The following TRIM36 variants were observed in gnomAD, a reference collection of about 807,000 sequenced individuals.
TRIM36 encodes the protein E3 ubiquitin-protein ligase TRIM36.
TRIM36 carries 42 observed loss-of-function variants against 72.4 expected under a neutral mutation model. That is an observed-to-expected ratio of 0.58 (90% CI 0.45 to 0.75). The LOEUF is 0.75. Among genes scored for constraint, TRIM36 ranks in the 30% least tolerant of loss-of-function variants. TRIM36 has a pLI of 0.00. For synonymous variants in TRIM36, 315 were observed against 282.8 expected (o/e 1.11, Z -1.14); for missense variants, 913 against 857.1 (o/e 1.07, Z -0.81).
intron 2 of TRIM36, chr5:115,159,750 C>T (rs1754376694): frequency 4.7e-6 from 2 of 425,392 alleles, no homozygotes; most frequent in Admixed American, 2.9e-5. Context: ...AAAGAGAAAG[C>T]GGTAACTGTG....
intron 2 of TRIM36, among the ~76,000 whole-genome samples, chr5:115,150,868 T>C (rs1188101101): frequency 2.6e-5 from 4 of 152,176 alleles, no homozygotes; most frequent in Admixed American, 2.0e-4. Flanking sequence ...GAGGAAGCAG[T>C]GGGAAAACCC....
chr5:115,126,662 T>C lies in TRIM36; in HGVS notation c.1992A>G (p.Lys664=). The part of the protein sequence containing the change: ...IGIFLDCDKG[K]VDFYDMDQMK... ...TCTGATCCATATCATAGAAATCTAC[T>C]TTGCCTTTATCACAGTCAAGGAAAA... Residue 664 remains lysine (K), a synonymous_variant, in exon 10 of 10, where the codon AAA becomes AAG. Coordinates refer to ENST00000513154, the MANE Select transcript of TRIM36 (RefSeq NM_001300759.2). The C allele has an allele frequency of 6.2e-7, 1 of 1,614,210 alleles. No individual in the cohort carries two copies. The highest frequency in any genetic ancestry group is 8.5e-7 in the Non-Finnish European group (1 of 1,180,024).
intron 3 of TRIM36, among the ~76,000 whole-genome samples, chr5:115,146,609 C>G (rs1753606332): frequency 6.6e-6 from 1 of 152,160 alleles, no homozygotes; most frequent in African/African-American, 2.4e-5. Context: ...CATTATATCA[C>G]AAACTACAAA....
chr5:115,133,989 A>T lies in TRIM36; in HGVS notation c.1369T>A (p.Cys457Ser). ...TCTTGAATTATTTTACTTGTTCCAC[A>T]CACTTCTATCTCATTCCATGACATT... is the stretch of plus-strand genomic sequence containing the variant. ...DEMSWNEIEVCGTSKIIQDLE... is the reference protein window; with the variant it reads ...DEMSWNEIEVSGTSKIIQDLE... The change falls in exon 8 of 10, where the codon TGT (cysteine) becomes AGT (serine). Residue 457 changes from cysteine (C) to serine (S), a missense_variant. Cys to Ser is a moderately radical substitution (Grantham distance 112). Coordinates refer to ENST00000513154, the MANE Select transcript of TRIM36 (RefSeq NM_001300759.2). The T allele has an allele frequency of 6.2e-7, 1 of 1,613,928 alleles. No individual in the cohort carries two copies. Among genetic ancestry groups the T allele is most frequent in the Non-Finnish European group, 8.5e-7 (1 of 1,179,940 alleles).
chr5:115,165,564 C>T (rs371553028), intron 1 of TRIM36, among the ~76,000 whole-genome samples: 1 of 152,202 alleles, frequency 6.6e-6, no homozygotes, highest in Non-Finnish European at 1.5e-5. Flanking sequence ...GGACACAGGG[C>T]ACCAAGTCCC....
intron 2 of TRIM36, among the ~76,000 whole-genome samples, chr5:115,162,013 CGT>C (rs898578817): frequency 2.6e-5 from 4 of 152,038 alleles, no homozygotes; most frequent in African/African-American, 7.3e-5. Flanking sequence ...TGTGTGTGCG[CGT>C]GTGTCTTCTT....
intron 2 of TRIM36, among the ~76,000 whole-genome samples, chr5:115,152,132 T>C (rs1753925901): frequency 6.6e-6 from 1 of 151,264 alleles, no homozygotes; most frequent in Non-Finnish European, 1.5e-5. Context: ...ATACAAGAAG[T>C]GAAGGAAGAA....
intron 2 of TRIM36, among the ~76,000 whole-genome samples, chr5:115,160,568 T>A (rs1754430580): frequency 6.6e-6 from 1 of 152,140 alleles, no homozygotes; most frequent in Non-Finnish European, 1.5e-5. Flanking sequence ...CTGGGTATAG[T>A]GAATAACGCC....
chr5:115,176,159 T>C (rs888435560), intron 1 of TRIM36, among the ~76,000 whole-genome samples: 7 of 152,262 alleles, frequency 4.6e-5, no homozygotes, highest in Admixed American at 3.3e-4. Flanking sequence ...AAAATACTTA[T>C]GCAGTGGGCA....
chr5:115,127,487 G>A (rs13357964), intron 9 of TRIM36, among the ~76,000 whole-genome samples: 4,160 of 152,278 alleles, frequency 0.027, 183 homozygotes, highest in African/African-American at 0.094. Flanking sequence ...CTTGAACCCA[G>A]GAAGCAGAAG....
chr5:115,131,313 T>C (rs543424737), intron 8 of TRIM36, among the ~76,000 whole-genome samples: 1 of 152,178 alleles, frequency 6.6e-6, no homozygotes, highest in Non-Finnish European at 1.5e-5. Flanking sequence ...TTTTAGCTAT[T>C]TTAATAAAGC....
intron 2 of TRIM36, chr5:115,149,557 C>T (rs2112852934): frequency 9.3e-6 from 1 of 107,892 alleles, no homozygotes; most frequent in South Asian, 3.1e-4. Flanking sequence ...AGAATTGGGT[C>T]CTCAGAAATT....
chr5:115,141,297 C>T lies in TRIM36; in HGVS notation c.813G>A (p.Leu271=). Residue 271 remains leucine (L), a synonymous_variant, in exon 5 of 10, where the codon TTG becomes TTA. Coordinates refer to ENST00000513154, the MANE Select transcript of TRIM36 (RefSeq NM_001300759.2). ...QVKSQISELN[L]LMKETECNGE... is the part of the protein sequence containing the mutation. ...CACTTACCTCTGTTTCTTTCATTAA[C>T]AAGTTTAGTTCAGATATTTGACTCT... 6.3e-7 allele frequency: 1 copy of T among 1,599,498 alleles called. No individual in the cohort carries two copies. Among genetic ancestry groups the T allele is most frequent in the Non-Finnish European group, 8.5e-7 (1 of 1,175,534 alleles).
At chr5:115,148,949 G>C (rs1753740905) in intron 2 of TRIM36, 1 of 152,116 alleles carries the variant, frequency 6.6e-6, no homozygotes, top group African/African-American at 2.4e-5. Context: ...CATGATATCA[G>C]TTCAGGTAAA....
At chr5:115,148,376 G>A (rs919879083) in intron 2 of TRIM36, 2 of 981,604 alleles carry the variant, frequency 2.0e-6, no homozygotes, top group Non-Finnish European at 2.4e-6. Context: ...ATTTACGACA[G>A]GTGCATGCAT....
upstream of TRIM36, chr5:115,169,919 G>A (rs533944331): frequency 8.6e-6 from 11 of 1,280,958 alleles, no homozygotes; most frequent in South Asian, 2.3e-5. Context: ...GGCTGGGAAC[G>A]GCGCCGCGCA....
rs76017955 is a variant in TRIM36, at chr5:115,146,636, A to G, written c.588+433T>C. ...AACTACAAAGTATTAGGCTGTAATT[A>G]CTTTTATTCATTGTACAATTTTAGC... On this transcript the variant is annotated intron_variant, in intron 3 of 9. Transcript: ENST00000513154. Among the ~76,000 whole-genome samples the G allele has an allele frequency of 1.7e-3, 264 of 152,344 alleles. 2 individuals carry two copies. The highest frequency in any genetic ancestry group is 6.1e-3 in the African/African-American group (253 of 41,598).
At chr5:115,151,367 TGCA>T (rs1385873635) in intron 2 of TRIM36, among the ~76,000 whole-genome samples, 7 of 152,178 alleles carry the variant, frequency 4.6e-5, no homozygotes, top group Admixed American at 6.5e-5. Context: ...CCGCAGCAGC[TGCA>T]GCAAGAGCTG....
chr5:115,154,615 A>C (rs1754074395), intron 2 of TRIM36, among the ~76,000 whole-genome samples: 1 of 152,196 alleles, frequency 6.6e-6, no homozygotes, highest in Non-Finnish European at 1.5e-5. Flanking sequence ...GGAAAGATAC[A>C]ACCTTCATAG....
Sources: allele counts gnomAD v4.1 joint callset (sites outside exome capture counted in the v4.1 genomes callset), GRCh38; gene constraint gnomAD v4.1.1; transcripts MANE v1.5; gene names NCBI Gene and HGNC (gene_info 2026-07-23, HGNC 2026-07-21).